NKAIN2: variants seen among roughly 807,000 people sequenced by gnomAD.
NKAIN2 encodes sodium/potassium transporting ATPase interacting 2, also known as sodium/potassium-transporting ATPase subunit beta-1-interacting protein 2.
NKAIN2 carries 14 observed loss-of-function variants against 32.6 expected under a neutral mutation model. The observed-to-expected ratio is 0.43, with a 90% CI of 0.28 to 0.67. NKAIN2 has a LOEUF of 0.67. NKAIN2 is among the 30% of genes least tolerant of loss of function. The pLI, the probability that NKAIN2 is intolerant of heterozygous loss-of-function variation, is 0.17. For synonymous variants in NKAIN2, 80 were observed against 87.2 expected, an observed-to-expected ratio of 0.92 and a Z score of 0.46; for missense variants, 198 against 258.3, an observed-to-expected ratio of 0.77 and a Z score of 1.60.
chr6:124,277,052 A>G (rs1471560892), intron 1 of NKAIN2, among the ~76,000 whole-genome samples: 1 of 152,182 alleles, frequency 6.6e-6, no homozygotes, highest in Non-Finnish European at 1.5e-5. Context: ...AATCCAAGGC[A>G]AAATCACAGG....
chr6:124,297,559 T>A (rs1796109799), intron 2 of NKAIN2, among the ~76,000 whole-genome samples: 1 of 151,434 alleles, frequency 6.6e-6, no homozygotes, highest in African/African-American at 2.4e-5. Context: ...AGCACCATAC[T>A]GCTCTTCCTT....
intron 1 of NKAIN2, among the ~76,000 whole-genome samples, chr6:124,143,866 G>A (rs903909010): frequency 1.3e-5 from 2 of 151,936 alleles, no homozygotes; most frequent in Admixed American, 1.3e-4. Context: ...ACTGTTAATG[G>A]TTTTCTTATT....
chr6:124,659,259 T>C (rs1478933465), intron 4 of NKAIN2, among the ~76,000 whole-genome samples: 2 of 152,182 alleles, frequency 1.3e-5, no homozygotes, highest in Non-Finnish European at 2.9e-5. Flanking sequence ...AGTATTAAAA[T>C]TGTTAGCAAC....
At chr6:124,476,531 A>G (rs942779025) in intron 3 of NKAIN2, among the ~76,000 whole-genome samples, 14 of 152,142 alleles carry the variant, frequency 9.2e-5, no homozygotes, top group African/African-American at 3.4e-4. Context: ...AGCAAAAAAT[A>G]CAATCAAAAT....
At chr6:123,985,282 C>T (rs892438307) in intron 1 of NKAIN2, among the ~76,000 whole-genome samples, 2 of 152,082 alleles carry the variant, frequency 1.3e-5, no homozygotes, top group African/African-American at 2.4e-5. Context: ...TGCCTGTAAT[C>T]CCAGCTACTC....
At chr6:124,276,311 CACACACACACACAT>C (rs1172498294) in intron 1 of NKAIN2, among the ~76,000 whole-genome samples, 1 of 151,804 alleles carries the variant, frequency 6.6e-6, no homozygotes, top group African/African-American at 2.4e-5. Flanking sequence ...CACACACACA[CACACACACACACAT>C]ACACACCATC....
At chr6:124,357,772 C>T (rs1010962261) in intron 3 of NKAIN2, among the ~76,000 whole-genome samples, 4 of 151,628 alleles carry the variant, frequency 2.6e-5, no homozygotes, top group Non-Finnish European at 4.4e-5. Context: ...GAGTTTAGAA[C>T]TTTTCTTTTT....
intron 3 of NKAIN2, among the ~76,000 whole-genome samples, chr6:124,467,962 G>A (rs1374981953): frequency 6.6e-6 from 1 of 151,920 alleles, no homozygotes; most frequent in Non-Finnish European, 1.5e-5. Context: ...TATATGTTTG[G>A]GGTAATAGAA....
At chr6:124,062,977 G>A (rs1476182779) in intron 1 of NKAIN2, among the ~76,000 whole-genome samples, 2 of 152,016 alleles carry the variant, frequency 1.3e-5, no homozygotes, top group South Asian at 2.1e-4. Context: ...GGTGGATCAC[G>A]AGGTCAGGAG....
At chr6:124,057,190 C>A (rs1039155477) in intron 1 of NKAIN2, among the ~76,000 whole-genome samples, 11 of 152,118 alleles carry the variant, frequency 7.2e-5, no homozygotes, top group African/African-American at 2.6e-4. Context: ...TTGGAGAGCT[C>A]ATAAACTCTA....
intron 3 of NKAIN2, among the ~76,000 whole-genome samples, chr6:124,656,893 AT>A (rs1784558421): frequency 6.6e-6 from 1 of 152,056 alleles, no homozygotes; most frequent in Non-Finnish European, 1.5e-5. Flanking sequence ...CACAGACTCT[AT>A]TTTGAGATTT....
intron 3 of NKAIN2, among the ~76,000 whole-genome samples, chr6:124,475,493 A>G (rs570133375): frequency 6.6e-6 from 1 of 152,312 alleles, no homozygotes; most frequent in African/African-American, 2.4e-5. Context: ...TATAAATGCT[A>G]ATGAAATGTT....
At chr6:124,216,757 A>G (rs928695160) in intron 1 of NKAIN2, among the ~76,000 whole-genome samples, 25 of 152,200 alleles carry the variant, frequency 1.6e-4, no homozygotes, top group Admixed American at 7.9e-4. Context: ...TCTATATTAA[A>G]TAAGGAGTTT....
In NKAIN2 at chr6:124,362,874, G is replaced by A. The variant is rs62434745; in HGVS notation, c.273+7527G>A. On this transcript the variant is annotated intron_variant, in intron 3 of 6. Coordinates refer to ENST00000368417, the MANE Select transcript of NKAIN2 (RefSeq NM_001040214.3). ...TTTTGAGATAGAGTCCCACTCTGTCGCCCAGGCTGTAGTACATTGGTGCAC... is the reference window on the plus strand; with the variant it reads ...TTTTGAGATAGAGTCCCACTCTGTCACCCAGGCTGTAGTACATTGGTGCAC... Among the ~76,000 whole-genome samples, 1,237 of 152,012 alleles carry A rather than the reference G, an allele frequency of 8.1e-3. 13 individuals are homozygous for A. Among genetic ancestry groups the A allele is most frequent in the Non-Finnish European group, 9.4e-3 (638 of 67,960 alleles).
At chr6:124,238,072 C>A (rs1792871265) in intron 1 of NKAIN2, among the ~76,000 whole-genome samples, 1 of 151,868 alleles carries the variant, frequency 6.6e-6, no homozygotes, top group East Asian at 1.9e-4. Flanking sequence ...TAAGATAAAA[C>A]AGAACAAATG....
intron 1 of NKAIN2, among the ~76,000 whole-genome samples, chr6:123,886,049 T>G (rs1403486824): frequency 6.6e-6 from 1 of 151,520 alleles, no homozygotes; most frequent in Non-Finnish European, 1.5e-5. Context: ...AAATTAAAAT[T>G]CACTTGTACT....
intron 1 of NKAIN2, among the ~76,000 whole-genome samples, chr6:124,281,988 C>G (rs1582984030): frequency 6.6e-6 from 1 of 152,220 alleles, no homozygotes; most frequent in South Asian, 2.1e-4. Context: ...CAATGTTTTT[C>G]TCTGAACAGA....
chr6:124,824,457 G>A lies in NKAIN2; in HGVS notation c.*1228G>A, dbSNP rs1781513042. On this transcript the variant is annotated 3_prime_UTR_variant, in exon 7 of 7. Coordinates refer to ENST00000368417, the MANE Select transcript of NKAIN2 (RefSeq NM_001040214.3). ...TGTTAGAGTGTATTTCAACCCTCCT[G>A]TATTATTGTGGCAGAAAAACTGTGC... The A allele has an allele frequency of 6.6e-6, 1 of 152,060 alleles. No homozygotes were observed. Among genetic ancestry groups the A allele is most frequent in the African/African-American group, 2.4e-5 (1 of 41,396 alleles). The allele number at this position is 152,060 out of a possible 1,614,324, so 9.4% of individuals were successfully genotyped here. A position where few individuals can be genotyped will look rare whatever the true frequency, so the allele number is the denominator to read the frequency against.
chr6:124,802,150 A>G (rs1780289686), intron 5 of NKAIN2, among the ~76,000 whole-genome samples: 1 of 152,228 alleles, frequency 6.6e-6, no homozygotes, highest in African/African-American at 2.4e-5. Flanking sequence ...ATTACAAGGT[A>G]AAGAATATTT....
Sources: gnomAD v4.1 joint callset for allele counts (sites outside exome capture counted in the v4.1 genomes callset) on GRCh38, gnomAD v4.1.1 for gene constraint, MANE v1.5 for transcripts, NCBI Gene and HGNC (gene_info 2026-07-23, HGNC 2026-07-21) for gene names.